Variants in TENM3 observed in about 807,000 individuals in gnomAD.
TENM3 encodes teneurin-3.
Under a neutral mutation model 255.1 loss-of-function variants are expected in TENM3, and 63 were observed. The observed-to-expected ratio is 0.25, with a 90% CI of 0.20 to 0.30. The LOEUF (loss-of-function observed/expected upper bound fraction) is 0.30. TENM3 is among the 10% of genes least tolerant of loss of function. The pLI, the probability that TENM3 is intolerant of heterozygous loss-of-function variation, is 1.00. For synonymous variants in TENM3, 1,306 were observed against 1,322.3 expected, an observed-to-expected ratio of 0.99 and a Z score of 0.27; for missense variants, 2,929 against 3,461.1, an observed-to-expected ratio of 0.85 and a Z score of 3.86.
the TENM3 span, among the ~76,000 whole-genome samples, chr4:181,843,669 G>GCC: frequency 2.0e-5 from 3 of 151,784 alleles, no homozygotes; most frequent in African/African-American, 7.3e-5. Flanking sequence ...AAATATTCTG[G>GCC]AGGCTTGGAA....
At chr4:181,568,182 T>C in the TENM3 span, among the ~76,000 whole-genome samples, 2 of 140,100 alleles carry the variant, frequency 1.4e-5, no homozygotes, top group African/African-American at 5.6e-5. Context: ...TTTTTTTTTT[T>C]GACAGAGTTT....
intron 1 of TENM3, among the ~76,000 whole-genome samples, chr4:182,186,783 ATATATATATATATATAT>A (rs1449333640): frequency 1.4e-5 from 1 of 73,880 alleles, no homozygotes; most frequent in Non-Finnish European, 2.6e-5. Flanking sequence ...ATATATATAT[ATATATATATATATATAT>A]ATATATATAT....
At chr4:181,916,867 C>T in the TENM3 span, among the ~76,000 whole-genome samples, 3 of 151,772 alleles carry the variant, frequency 2.0e-5, no homozygotes, top group African/African-American at 4.8e-5. Flanking sequence ...AGCAAGACTC[C>T]GTCTAAAAAC....
At chr4:182,592,712 C>CA (rs5864794) in intron 3 of TENM3, among the ~76,000 whole-genome samples, 10,559 of 151,140 alleles carry the variant, frequency 0.07, 490 homozygotes, top group South Asian at 0.15. Flanking sequence ...AAGACTGTGT[C>CA]AAAAAAAAAA....
At chr4:182,176,184 G>A (rs564426163) in intron 1 of TENM3, among the ~76,000 whole-genome samples, 5 of 152,204 alleles carry the variant, frequency 3.3e-5, no homozygotes, top group Admixed American at 2.0e-4. Flanking sequence ...TATAGAAGGC[G>A]TGTAATAAAT....
the TENM3 span, among the ~76,000 whole-genome samples, chr4:181,846,096 G>A: frequency 3.3e-5 from 5 of 152,000 alleles, no homozygotes; most frequent in African/African-American, 1.2e-4. Context: ...TTCCTACATG[G>A]TTTTTTAATA....
At chr4:182,741,684 G>A (rs1291010073) in intron 18 of TENM3, among the ~76,000 whole-genome samples, 4 of 152,140 alleles carry the variant, frequency 2.6e-5, no homozygotes, top group Non-Finnish European at 5.9e-5. Flanking sequence ...GAATATTCAA[G>A]GCAAAATGCA....
At chr4:182,682,870 A>G (rs1484552355) in intron 11 of TENM3, among the ~76,000 whole-genome samples, 1 of 152,192 alleles carries the variant, frequency 6.6e-6, no homozygotes, top group African/African-American at 2.4e-5. Flanking sequence ...GATAAGATGA[A>G]TACATATGAA....
intron 3 of TENM3, among the ~76,000 whole-genome samples, chr4:182,561,985 CAGATAGATAGATAGAT>C (rs60745078): frequency 1.1e-3 from 166 of 145,310 alleles, no homozygotes; most frequent in Admixed American, 4.2e-3. Context: ...GATAGATAGA[CAGATAGATAGATAGAT>C]AGATAGATAG....
At position 182,736,147 on chromosome 4, in the gene TENM3, G is replaced by A. The variant is rs924116731; in HGVS notation, c.2968-661G>A. Among the ~76,000 whole-genome samples, 11 of 152,162 alleles carry A rather than the reference G, an allele frequency of 7.2e-5. No individual in the cohort carries two copies. The South Asian group carries it at 8.3e-4, about 11-fold the overall frequency. On this transcript the variant is annotated intron_variant, in intron 16 of 27. Transcript: ENST00000511685. ...GAGCTCAATCTTTAATTATGACAAT[G>A]TGCTATTATTACATTACCTCTCAAC... is the stretch of plus-strand genomic sequence containing the variant.
the TENM3 span, among the ~76,000 whole-genome samples, chr4:181,497,225 G>T: frequency 6.6e-6 from 1 of 152,058 alleles, no homozygotes; most frequent in Non-Finnish European, 1.5e-5. Context: ...AGACACATAT[G>T]TTCATTGTTA....
At chr4:181,942,834 A>T in the TENM3 span, among the ~76,000 whole-genome samples, 1 of 152,204 alleles carries the variant, frequency 6.6e-6, no homozygotes, top group African/African-American at 2.4e-5. Flanking sequence ...AATAAAATAC[A>T]TATTGTAAAG....
At chr4:181,877,389 C>T in the TENM3 span, among the ~76,000 whole-genome samples, 1 of 152,134 alleles carries the variant, frequency 6.6e-6, no homozygotes, top group Admixed American at 6.6e-5. Context: ...CCAATTACAG[C>T]AGATGCCTTT....
chr4:182,084,277 T>C, the TENM3 span, among the ~76,000 whole-genome samples: 1 of 152,166 alleles, frequency 6.6e-6, no homozygotes, highest in Non-Finnish European at 1.5e-5. Flanking sequence ...CCAATCCTAT[T>C]TCACGGTAGC....
At chr4:182,709,571 A>G (rs892732713) in intron 12 of TENM3, among the ~76,000 whole-genome samples, 1 of 152,204 alleles carries the variant, frequency 6.6e-6, no homozygotes, top group African/African-American at 2.4e-5. Context: ...ATTGTGGTTT[A>G]TATAATGATG....
the TENM3 span, among the ~76,000 whole-genome samples, chr4:181,634,384 C>CT: frequency 0.025 from 3,045 of 123,010 alleles, 52 homozygotes; most frequent in African/African-American, 0.053. Context: ...TTTTTTAATT[C>CT]TTTTTTTTTT....
At chr4:181,726,462 G>T in the TENM3 span, among the ~76,000 whole-genome samples, 1 of 152,110 alleles carries the variant, frequency 6.6e-6, no homozygotes, top group Non-Finnish European at 1.5e-5. Flanking sequence ...GGCTCAGAAA[G>T]GTTAAGTAAC....
chr4:181,858,059 TTAAA>T, the TENM3 span, among the ~76,000 whole-genome samples: 1 of 152,204 alleles, frequency 6.6e-6, no homozygotes, highest in Non-Finnish European at 1.5e-5. Flanking sequence ...TTTTAAGTGT[TTAAA>T]TAACTATTCA....
intron 19 of TENM3, among the ~76,000 whole-genome samples, chr4:182,750,425 C>T (rs959836838): frequency 2.0e-5 from 3 of 152,156 alleles, no homozygotes; most frequent in Non-Finnish European, 2.9e-5. Flanking sequence ...CTACAGACTC[C>T]ATGTGTGATC....
Sources: gnomAD v4.1 joint callset for allele counts (sites outside exome capture counted in the v4.1 genomes callset) on GRCh38, gnomAD v4.1.1 for gene constraint, MANE v1.5 for transcripts, NCBI Gene and HGNC (gene_info 2026-07-23, HGNC 2026-07-21) for gene names.